CENATAC: variants seen among roughly 807,000 people sequenced by gnomAD.
The protein encoded by CENATAC is centrosomal AT-AC splicing factor, also known as coiled-coil domain containing 84.
A neutral mutation model predicts 53.7 loss-of-function variants in CENATAC; 53 were observed. The observed-to-expected ratio is 0.99, with a 90% CI of 0.79 to 1.24. The LOEUF is 1.24. Ranked by LOEUF, CENATAC falls within the 50% of genes most tolerant of loss-of-function variation. The pLI, the probability that CENATAC is intolerant of heterozygous loss-of-function variation, is 0.00. For missense variants in CENATAC, 474 were observed against 417.8 expected (o/e 1.13, Z -1.17); for synonymous variants, 156 against 144.6 (o/e 1.08, Z -0.57).
intron 3 of CENATAC, among the ~76,000 whole-genome samples, chr11:119,000,521 C>T (rs1192724553): frequency 2.0e-5 from 3 of 148,482 alleles, no homozygotes; most frequent in African/African-American, 5.0e-5. Context: ...TTTTTTTGTC[C>T]AGGCATGGTG....
At chr11:119,002,389 A>G (rs1592051943) in intron 3 of CENATAC, among the ~76,000 whole-genome samples, 1 of 145,300 alleles carries the variant, frequency 6.9e-6, no homozygotes, top group South Asian at 2.1e-4. Flanking sequence ...CCCAGGCTGG[A>G]GTGCAGTGGC....
At chr11:119,002,069 CA>C (rs1227711868) in intron 3 of CENATAC, among the ~76,000 whole-genome samples, 1 of 150,986 alleles carries the variant, frequency 6.6e-6, no homozygotes, top group African/African-American at 2.4e-5. Context: ...ACTAAAAATA[CA>C]AAAAATAGCT....
chr11:119,007,130 G>A (rs911671361), intron 3 of CENATAC, among the ~76,000 whole-genome samples: 4 of 152,176 alleles, frequency 2.6e-5, no homozygotes, highest in African/African-American at 7.2e-5. Context: ...CCAGATAAAT[G>A]AACTGTAGTG....
intron 3 of CENATAC, chr11:119,003,489 G>T: frequency 2.4e-6 from 1 of 422,576 alleles, no homozygotes; most frequent in South Asian, 1.9e-5. Flanking sequence ...GTAGAGATAG[G>T]GTGTCACCAT....
intron 3 of CENATAC, among the ~76,000 whole-genome samples, chr11:119,004,168 T>C (rs1404094121): frequency 6.6e-6 from 1 of 152,060 alleles, no homozygotes; most frequent in Non-Finnish European, 1.5e-5. Flanking sequence ...TTCTTTATAG[T>C]TTTCTAGTTG....
At chr11:118,998,401 C>T (rs781881023) in intron 1 of CENATAC, 29 bp from the exon 2 acceptor site, 6 of 1,612,326 alleles carry the variant, frequency 3.7e-6, no homozygotes, top group East Asian at 2.2e-5. Context: ...GGGTCCCCCT[C>T]GGGGTTCTAC....
At chr11:119,013,173 TTTTTTTTTAATCATGCCTAGAC>T in intron 7 of CENATAC, 37 bp from the exon 8 acceptor site, 1 of 1,330,162 alleles carries the variant, frequency 7.5e-7, no homozygotes, top group Non-Finnish European at 1.1e-6. Context: ...TTCTAGGATT[TTTTTTTTTAATCATGCCTAGAC>T]TTTAACTAGC....
intron 3 of CENATAC, among the ~76,000 whole-genome samples, chr11:119,005,327 G>A (rs1353337212): frequency 6.6e-6 from 1 of 151,536 alleles, no homozygotes. Flanking sequence ...TTACCCAGAC[G>A]AGGTGGTGGG....
At chr11:119,013,363 T>G in intron 8 of CENATAC, 101 bp downstream of exon 8, 1 of 827,766 alleles carries the variant, frequency 1.2e-6, no homozygotes, top group Non-Finnish European at 1.9e-6. Context: ...TGGCGCAATC[T>G]CAGCTCGCTG....
At chr11:119,010,933 G>A (rs1456768316) in intron 4 of CENATAC, 103 bp downstream of exon 4, 2 of 972,926 alleles carry the variant, frequency 2.1e-6, no homozygotes, top group African/African-American at 1.6e-5. Flanking sequence ...GTTTCAGAAT[G>A]AGACTGCTCC....
Position 118,998,318 on chromosome 11 carries a change from G to T in CENATAC, c.120+1G>T. Reference sequence around the variant, plus strand: ...GGCTTTGGAGAGGCTCCTGCCCCAGGTGCGGAGGCAAGGCTAGAGATGGGA... The same window carrying T: ...GGCTTTGGAGAGGCTCCTGCCCCAGTTGCGGAGGCAAGGCTAGAGATGGGA... On this transcript the variant is annotated splice_donor_variant, in intron 1 of 10. Coordinates refer to ENST00000334418, the MANE Select transcript of CENATAC (RefSeq NM_198489.3). LOFTEE classifies it high-confidence loss of function. The T allele has an allele frequency of 6.2e-7, 1 of 1,610,328 alleles. No homozygotes were observed. The highest frequency in any genetic ancestry group is 8.5e-7 in the Non-Finnish European group (1 of 1,178,388).
chr11:119,013,504 C>T (rs1383177314), intron 8 of CENATAC, among the ~76,000 whole-genome samples: 3 of 149,136 alleles, frequency 2.0e-5, no homozygotes, highest in African/African-American at 7.4e-5. Flanking sequence ...CGCTCTGTCG[C>T]CCAGGCTGGA....
In CENATAC at chr11:119,015,344, A is replaced by C. The variant is rs782636017; in HGVS notation, c.843A>C (p.Arg281=). ...AGTTGAAAAAACTCCCCCCAGACCG[A>C]GTTGGGGCCAACTTTGATCACAGCT... The part of the protein sequence containing the change: ...KQKLKKLPPD[R]VGANFDHSSR... The change falls in exon 10 of 11, where the codon CGA becomes CGC. Residue 281 remains arginine (R), a synonymous_variant. Coordinates refer to ENST00000334418, the MANE Select transcript of CENATAC (RefSeq NM_198489.3). 8 of 1,614,062 alleles carry C rather than the reference A, an allele frequency of 5.0e-6. No individual in the cohort carries two copies. The South Asian group carries it at 8.8e-5, about 18-fold the overall frequency.
At chr11:119,000,561 G>T (rs956837232) in intron 3 of CENATAC, among the ~76,000 whole-genome samples, 3 of 150,906 alleles carry the variant, frequency 2.0e-5, no homozygotes, top group African/African-American at 7.3e-5. Flanking sequence ...TTTGAGACCA[G>T]CCTGGCCAAC....
At chr11:119,007,938 G>C (rs1693961382) in intron 3 of CENATAC, among the ~76,000 whole-genome samples, 1 of 152,218 alleles carries the variant, frequency 6.6e-6, no homozygotes, top group Non-Finnish European at 1.5e-5. Flanking sequence ...GAAGACCAAA[G>C]AGCCAGCTTC....
At chr11:119,010,624 G>A (rs1382405429) in intron 3 of CENATAC, 140 bp from the exon 4 acceptor site, 7 of 679,502 alleles carry the variant, frequency 1.0e-5, no homozygotes, top group Non-Finnish European at 1.8e-5. Context: ...GACTCTGGGT[G>A]AGAGGTACAT....
rs1387722010 is a variant in CENATAC, at chr11:119,015,676, T to C, written c.*78T>C. On this transcript the variant is annotated 3_prime_UTR_variant, in exon 11 of 11. Transcript: ENST00000334418. The stretch of plus-strand genomic sequence containing the variant: ...ATTATACCTTCCACCAAATTCTTTA[T>C]CATTGTCTTTCTTAGGAAACAGACA... The C allele has an allele frequency of 3.5e-6, 5 of 1,449,052 alleles. No individual in the cohort carries two copies. The African/African-American group carries it at 7.0e-5, about 20-fold the overall frequency. 89.8% of individuals were successfully genotyped at this position (1,449,052 alleles called of 1,614,324 possible).
rs1942159182 is a variant in CENATAC at position 118,999,117 on chromosome 11, A to C, written c.383+8A>C. ...TCCCCAGGATTATGCGCGGTGAGTC[A>C]CTGGTATGGAACGTGAAGTAGCAGA... On this transcript the variant is annotated splice_region_variant and intron_variant, in intron 3 of 10. Coordinates refer to ENST00000334418, the MANE Select transcript of CENATAC (RefSeq NM_198489.3). The C allele has an allele frequency of 2.5e-6, 4 of 1,596,592 alleles. No homozygotes were observed. The highest frequency in any genetic ancestry group is 3.4e-6 in the Non-Finnish European group (4 of 1,164,068).
intron 3 of CENATAC, chr11:119,001,528 T>G (rs782627063): frequency 1.2e-5 from 5 of 430,940 alleles, no homozygotes; most frequent in Non-Finnish European, 1.9e-5. Context: ...TTGTGTATTT[T>G]ATGGTAGTAA....
Sources: gnomAD v4.1 joint callset for allele counts (sites outside exome capture counted in the v4.1 genomes callset) on GRCh38, gnomAD v4.1.1 for gene constraint, MANE v1.5 for transcripts, NCBI Gene and HGNC (gene_info 2026-07-23, HGNC 2026-07-21) for gene names.